The following BRIP1 variants were observed in gnomAD, a reference collection of about 807,000 sequenced individuals.
BRIP1 encodes the protein BRCA1 interacting DNA helicase 1.
A neutral mutation model predicts 119.7 loss-of-function variants in BRIP1; 88 were observed. The observed-to-expected ratio is 0.74, with a 90% CI of 0.62 to 0.88. BRIP1 has a LOEUF of 0.88. Among genes scored for constraint, BRIP1 ranks in the 40% least tolerant of loss-of-function variants. BRIP1 has a pLI of 0.00. For synonymous variants in BRIP1, 443 were observed against 496.5 expected (o/e 0.89, Z 1.43); for missense variants, 1,259 against 1,455.4 (o/e 0.87, Z 2.20).
At chr17:61,800,925 T>C (rs1318642577) in intron 8 of BRIP1, among the ~76,000 whole-genome samples, 1 of 152,192 alleles carries the variant, frequency 6.6e-6, no homozygotes, top group South Asian at 2.1e-4. Flanking sequence ...ATAATTTTAT[T>C]CCCCCACATA....
At chr17:61,791,445 C>G (rs1003031696) in intron 10 of BRIP1, among the ~76,000 whole-genome samples, 1 of 139,124 alleles carries the variant, frequency 7.2e-6, no homozygotes, top group Non-Finnish European at 1.5e-5. Context: ...GCCGAGATCA[C>G]GCCACTGCCC....
chr17:61,855,844 CAG>C (rs2078889257), intron 4 of BRIP1, among the ~76,000 whole-genome samples: 3 of 152,038 alleles, frequency 2.0e-5, no homozygotes, highest in Admixed American at 6.6e-5. Flanking sequence ...GCCAAGGAAG[CAG>C]AGATTAATAA....
chr17:61,688,112 C>T (rs1447771255), intron 18 of BRIP1, among the ~76,000 whole-genome samples: 6 of 152,228 alleles, frequency 3.9e-5, no homozygotes, highest in Non-Finnish European at 7.4e-5. Flanking sequence ...TCTAGGGACT[C>T]GTTTCTGTCT....
In BRIP1 at chr17:61,802,580, G is replaced by C. The variant is rs1044589163; in HGVS notation, c.919-1106C>G. Among the ~76,000 whole-genome samples, 1 of 152,118 alleles carries C rather than the reference G, an allele frequency of 6.6e-6. No homozygotes were observed. Among genetic ancestry groups the C allele is most frequent in the Non-Finnish European group, 1.5e-5 (1 of 68,028 alleles). On this transcript the variant is annotated intron_variant, in intron 7 of 19. Coordinates refer to ENST00000259008, the MANE Select transcript of BRIP1 (RefSeq NM_032043.3). This position sits in a 1 kb window ranked among gnomAD's most constrained non-coding sequence, Gnocchi z 6.0. ...TATTCCCTTTGTTTTCTTCTGTCTA[G>C]CGTATTAAAAATCATACAAGGAAAA...
chr17:61,838,603 A>C (rs1220272862), intron 6 of BRIP1, among the ~76,000 whole-genome samples: 1 of 151,346 alleles, frequency 6.6e-6, no homozygotes, highest in African/African-American at 2.4e-5. Context: ...AGCATCATTA[A>C]ATCTAGTCTC....
chr17:61,845,357 T>C lies in BRIP1; in HGVS notation c.627+1744A>G, dbSNP rs2078712989. Reference sequence around the variant, plus strand: ...TATCTTGCACTTAGGATGGACCTTTTCTAGGCATCATTTTGCAATATCATG... The same window carrying C: ...TATCTTGCACTTAGGATGGACCTTTCCTAGGCATCATTTTGCAATATCATG... On this transcript the variant is annotated intron_variant, in intron 6 of 19. Transcript: ENST00000259008. This position sits in a 1 kb window ranked among gnomAD's most constrained non-coding sequence, Gnocchi z 4.2. Among the ~76,000 whole-genome samples, 1 of 152,216 alleles carries C rather than the reference T, an allele frequency of 6.6e-6. No homozygotes were observed. The highest frequency in any genetic ancestry group is 1.5e-5 in the Non-Finnish European group (1 of 68,034).
chr17:61,781,064 A>T (rs2145099900), intron 11 of BRIP1, 59 bp from the exon 12 acceptor site: 1 of 1,519,748 alleles, frequency 6.6e-7, no homozygotes, highest in East Asian at 2.3e-5. Context: ...TGACCCAGCT[A>T]CATACAATAT....
In BRIP1 at chr17:61,693,141, T is replaced by A. The variant is rs370838938; in HGVS notation, c.2575+289A>T. Among the ~76,000 whole-genome samples, 2 of 152,152 alleles carry A rather than the reference T, an allele frequency of 1.3e-5. No individual in the cohort carries two copies. Among genetic ancestry groups the A allele is most frequent in the South Asian group, 2.1e-4 (1 of 4,834 alleles). On this transcript the variant is annotated intron_variant, in intron 18 of 19. Transcript: ENST00000259008. This position sits in a 1 kb window ranked among gnomAD's most constrained non-coding sequence, Gnocchi z 4.2. ...AGGACAAATACTGCATAATTCAATT[T>A]ATATGAGGTATCCAAAACAGTCAAA...
intron 18 of BRIP1, among the ~76,000 whole-genome samples, chr17:61,688,335 A>G (rs9889467): frequency 0.61 from 92,922 of 151,826 alleles, 29,075 homozygotes; most frequent in Admixed American, 0.74. Flanking sequence ...ACAAGAATTA[A>G]CTGGGTATAG....
Position 61,745,682 on chromosome 17 carries a change from T to C in BRIP1, c.2098-1091A>G, listed in dbSNP as rs868098690. On this transcript the variant is annotated intron_variant, in intron 14 of 19. Coordinates refer to ENST00000259008, the MANE Select transcript of BRIP1 (RefSeq NM_032043.3). The surrounding 1 kb of genome is among the most constrained non-coding windows in gnomAD (Gnocchi z 4.4). ...ACACACGTGGCTGTAAAACTCATAT[T>C]CTTAAAAACCATATGAGTTAAATAG... Among the ~76,000 whole-genome samples, 6 of 152,182 alleles carry C rather than the reference T, an allele frequency of 3.9e-5. No individual in the cohort carries two copies. The highest frequency in any genetic ancestry group is 1.4e-4 in the African/African-American group (6 of 41,446).
chr17:61,715,092 C>G (rs2061839510), intron 17 of BRIP1, among the ~76,000 whole-genome samples: 1 of 151,446 alleles, frequency 6.6e-6, no homozygotes, highest in Non-Finnish European at 1.5e-5. Flanking sequence ...CCCAGCTACT[C>G]AGGAGGCTGA....
Position 61,802,492 on chromosome 17 carries a change from G to A in BRIP1, c.919-1018C>T, listed in dbSNP as rs528925538. Among the ~76,000 whole-genome samples, 1 of 152,098 alleles carries A rather than the reference G, an allele frequency of 6.6e-6. No individual in the cohort carries two copies. The highest frequency in any genetic ancestry group is 6.5e-5 in the Admixed American group (1 of 15,272). On this transcript the variant is annotated intron_variant, in intron 7 of 19. Transcript: ENST00000259008. This position sits in a 1 kb window ranked among gnomAD's most constrained non-coding sequence, Gnocchi z 6.0. Reference sequence around the variant, plus strand: ...TAATAAAAACAAGAACAAAGCAAATGTTCCCCAGGCATTGAGGATTATTAA... The same window carrying A: ...TAATAAAAACAAGAACAAAGCAAATATTCCCCAGGCATTGAGGATTATTAA...
At position 61,734,192 on chromosome 17, in the gene BRIP1, G is replaced by A. The variant is rs2076887808; in HGVS notation, c.2379+8821C>T. 6.6e-6 allele frequency among the ~76,000 whole-genome samples: 1 copy of A among 152,146 alleles called. No homozygotes were observed. The highest frequency in any genetic ancestry group is 2.4e-5 in the African/African-American group (1 of 41,436). Reference sequence around the variant, plus strand: ...AATTATAAAGCTGAATACTCCTGTGGTTGTTAGATCACAGTAATTGGCCAG... The same window carrying A: ...AATTATAAAGCTGAATACTCCTGTGATTGTTAGATCACAGTAATTGGCCAG... On this transcript the variant is annotated intron_variant, in intron 16 of 19. Coordinates refer to ENST00000259008, the MANE Select transcript of BRIP1 (RefSeq NM_032043.3). The surrounding 1 kb of genome is among the most constrained non-coding windows in gnomAD (Gnocchi z 5.2).
Position 61,844,954 on chromosome 17 carries a change from A to C in BRIP1, c.627+2147T>G, listed in dbSNP as rs1173891576. Among the ~76,000 whole-genome samples, 1 of 152,260 alleles carries C rather than the reference A, an allele frequency of 6.6e-6. No homozygotes were observed. Among genetic ancestry groups the C allele is most frequent in the Admixed American group, 6.5e-5 (1 of 15,288 alleles). ...AGTAACATTCAACAAATAAATATTT[A>C]TTAGACAACTAATATGCACCATATG... On this transcript the variant is annotated intron_variant, in intron 6 of 19. Coordinates refer to ENST00000259008, the MANE Select transcript of BRIP1 (RefSeq NM_032043.3). The surrounding 1 kb of genome is among the most constrained non-coding windows in gnomAD (Gnocchi z 4.7).
At position 61,683,770 on chromosome 17, in the gene BRIP1, C is replaced by A. The variant is rs375911315; in HGVS notation, c.3276G>T (p.Pro1092=). 6.2e-7 allele frequency: 1 copy of A among 1,614,052 alleles called. No individual in the cohort carries two copies. Among genetic ancestry groups the A allele is most frequent in the Non-Finnish European group, 8.5e-7 (1 of 1,180,012 alleles). Residue 1092 remains proline, a synonymous_variant, in exon 20 of 20, where the codon CCG becomes CCT. Transcript: ENST00000259008. The surrounding 1 kb of genome is among the most constrained non-coding windows in gnomAD (Gnocchi z 4.7). ...TLTRKNHSEH[P]LCSEEALDPD... is the part of the protein sequence containing the mutation. ...GATCCAGGGCTTCTTCAGAACAGAG[C>A]GGATGTTCAGAATGATTTTTTCTAG...
chr17:61,855,516 T>C lies in BRIP1; in HGVS notation c.379+1542A>G, dbSNP rs559260941. Reference sequence around the variant, plus strand: ...ATTGCTCGAACCCAGGAGGTGAAGGTTGCAGTGGGCCAAGGTCACACCACT... The same window carrying C: ...ATTGCTCGAACCCAGGAGGTGAAGGCTGCAGTGGGCCAAGGTCACACCACT... On this transcript the variant is annotated intron_variant, in intron 4 of 19. Coordinates refer to ENST00000259008, the MANE Select transcript of BRIP1 (RefSeq NM_032043.3). 9.3e-5 allele frequency among the ~76,000 whole-genome samples: 14 copies of C among 150,194 alleles called. 1 individual carries two copies. The highest frequency in any genetic ancestry group is 8.0e-4 in the Admixed American group (12 of 14,996).
intron 9 of BRIP1, among the ~76,000 whole-genome samples, chr17:61,797,948 T>C (rs2077926566): frequency 6.6e-6 from 1 of 152,036 alleles, no homozygotes; most frequent in African/African-American, 2.4e-5. Flanking sequence ...AAGCATACAT[T>C]AGCCCCCCTG....
rs1195776948 is a variant in BRIP1, at chr17:61,726,008, C to G, written c.2380-9945G>C. On this transcript the variant is annotated intron_variant, in intron 16 of 19. Transcript: ENST00000259008. This position sits in a 1 kb window ranked among gnomAD's most constrained non-coding sequence, Gnocchi z 6.2. ...TTAAAATATTACTCAAACAAACCTG[C>G]AAATGTTTAAATTATCATCTCTAGA... 1.3e-5 allele frequency among the ~76,000 whole-genome samples: 2 copies of G among 152,110 alleles called. No homozygotes were observed. The highest frequency in any genetic ancestry group is 6.5e-5 in the Admixed American group (1 of 15,272).
rs767352879 is a variant in BRIP1 at position 61,810,525 on chromosome 17, G to C, written c.628-1768C>G. 2.0e-5 allele frequency among the ~76,000 whole-genome samples: 3 copies of C among 151,992 alleles called. No homozygotes were observed. The highest frequency in any genetic ancestry group is 4.4e-5 in the Non-Finnish European group (3 of 67,996). ...TACTATTTCTCTTCCTTATGATACA[G>C]TTAAATTCATGTGAATACTAGAATG... On this transcript the variant is annotated intron_variant, in intron 6 of 19. Transcript: ENST00000259008. The surrounding 1 kb of genome is among the most constrained non-coding windows in gnomAD (Gnocchi z 4.7).
Sources: gnomAD v4.1 joint callset for allele counts (sites outside exome capture counted in the v4.1 genomes callset) on GRCh38, gnomAD v4.1.1 for gene constraint, Gnocchi (gnomAD v3.1) non-coding constraint, MANE v1.5 for transcripts, NCBI Gene and HGNC (gene_info 2026-07-23, HGNC 2026-07-21) for gene names.